JARID2: variants seen among roughly 807,000 people sequenced by gnomAD.
The protein encoded by JARID2 is protein Jumonji.
JARID2 carries 21 observed loss-of-function variants against 125.6 expected under a neutral mutation model. The ratio of observed to expected loss-of-function variants is 0.17; its 90% CI spans 0.12 to 0.24. The LOEUF (loss-of-function observed/expected upper bound fraction) is 0.24, where lower values mean the gene tolerates loss of function less well. JARID2 is among the 10% of genes least tolerant of loss of function. The probability of loss-of-function intolerance (pLI) is 1.00; values close to 1 mark genes in which losing one functional copy is unlikely to be tolerated. For synonymous variants in JARID2, 736 were observed against 661.6 expected (o/e 1.11, Z -1.73); for missense variants, 1,303 against 1,639.6 (o/e 0.79, Z 3.55).
intron 3 of JARID2, among the ~76,000 whole-genome samples, chr6:15,445,869 T>TTTTTTTG (rs1767652330): frequency 6.6e-6 from 1 of 152,170 alleles, no homozygotes; most frequent in South Asian, 2.1e-4. Context: ...CTAGTTGGTA[T>TTTTTTTG]TTTTTTGTTT....
At chr6:15,474,793 A>T (rs113602088) in intron 5 of JARID2, among the ~76,000 whole-genome samples, 1,696 of 152,316 alleles carry the variant, frequency 0.011, 18 homozygotes, top group African/African-American at 0.026. Context: ...TTTCCCTGAG[A>T]TAATAGTGAC....
At chr6:15,431,036 G>A (rs1405476822) in intron 3 of JARID2, among the ~76,000 whole-genome samples, 1 of 152,138 alleles carries the variant, frequency 6.6e-6, no homozygotes, top group Non-Finnish European at 1.5e-5. Flanking sequence ...TCTGCTTGTT[G>A]TTCCGGCAAA....
chr6:15,461,895 T>G (rs1214344192), intron 4 of JARID2, among the ~76,000 whole-genome samples: 2 of 149,840 alleles, frequency 1.3e-5, no homozygotes, highest in African/African-American at 4.9e-5. Flanking sequence ...TTTTTTTTTT[T>G]GGAAATACCT....
chr6:15,499,070 C>T (rs1770602116), intron 7 of JARID2, among the ~76,000 whole-genome samples: 1 of 152,130 alleles, frequency 6.6e-6, no homozygotes, highest in Admixed American at 6.5e-5. Flanking sequence ...CATACTGTGC[C>T]TCCCTGTGGT....
At chr6:15,490,461 C>T (rs560125273) in intron 6 of JARID2, among the ~76,000 whole-genome samples, 1 of 152,228 alleles carries the variant, frequency 6.6e-6, no homozygotes, top group South Asian at 2.1e-4. Flanking sequence ...ATAGTGTGTG[C>T]GATTTATGGA....
intron 3 of JARID2, among the ~76,000 whole-genome samples, chr6:15,436,862 A>G (rs1383091635): frequency 2.0e-5 from 3 of 151,966 alleles, no homozygotes; most frequent in Non-Finnish European, 4.4e-5. Context: ...CTATTCAGTT[A>G]TAATGAGTTC....
intron 3 of JARID2, among the ~76,000 whole-genome samples, chr6:15,431,363 A>G (rs1251489440): frequency 1.3e-5 from 2 of 152,156 alleles, no homozygotes; most frequent in African/African-American, 4.8e-5. Context: ...TGCGATCCGT[A>G]TGTCTCATAA....
chr6:15,281,157 G>A (rs1051171735), intron 1 of JARID2, among the ~76,000 whole-genome samples: 1 of 152,096 alleles, frequency 6.6e-6, no homozygotes, highest in African/African-American at 2.4e-5. Context: ...AGCCCAATAC[G>A]CATGTGAGAT....
intron 2 of JARID2, among the ~76,000 whole-genome samples, chr6:15,384,371 ATTTTT>A (rs370485500): frequency 7.4e-6 from 1 of 135,408 alleles, no homozygotes; most frequent in Non-Finnish European, 1.6e-5. Context: ...GCCCACTTTG[ATTTTT>A]TTTTTTTTTT....
chr6:15,358,470 C>G (rs531808874), intron 1 of JARID2, among the ~76,000 whole-genome samples: 5 of 152,204 alleles, frequency 3.3e-5, no homozygotes, highest in Admixed American at 6.5e-5. Context: ...TGAATTACCT[C>G]TGACTCAGAG....
At chr6:15,270,423 C>T (rs1760252398) in intron 1 of JARID2, among the ~76,000 whole-genome samples, 1 of 152,194 alleles carries the variant, frequency 6.6e-6, no homozygotes. Flanking sequence ...CGAGCCACTG[C>T]ACCTGGCCTG....
At chr6:15,436,439 C>G (rs997985792) in intron 3 of JARID2, among the ~76,000 whole-genome samples, 1 of 152,286 alleles carries the variant, frequency 6.6e-6, no homozygotes. Flanking sequence ...TTCCTCAGGA[C>G]GTCCAGCAGC....
Position 15,496,826 on chromosome 6 carries a change from A to C in JARID2, c.1601A>C (p.His534Pro). ...NRSTSQPESV[H>P]KPQDSGKAEK... is the part of the protein sequence containing the mutation. The stretch of plus-strand genomic sequence containing the variant: ...TCTACCTCGCAACCGGAGTCCGTGC[A>C]CAAGCCGCAGGACTCGGGCAAGGCC... Residue 534 changes from histidine (H) to proline (P), a missense_variant, in exon 7 of 18, where the codon CAC becomes CCC. Physicochemically the swap from His to Pro is moderately conservative, Grantham distance 77. Around this residue, in one of 11 missense-constraint regions of JARID2, gnomAD observed 651 missense variants for 581.6 expected, o/e 1.12. Transcript: ENST00000341776. 1.2e-6 allele frequency: 2 copies of C among 1,602,868 alleles called. No individual in the cohort carries two copies. The highest frequency in any genetic ancestry group is 8.5e-7 in the Non-Finnish European group (1 of 1,173,604).
Position 15,399,819 on chromosome 6 carries a change from A to G in JARID2, c.182-10405A>G, listed in dbSNP as rs182628961. Among the ~76,000 whole-genome samples the G allele has an allele frequency of 2.0e-5, 3 of 152,360 alleles. No homozygotes were observed. The East Asian group carries it at 5.8e-4, about 29-fold the overall frequency. ...ATTTCCTCTGGATGCATCTGAGGAA[A>G]ACTTCCAGTGCCATGTGGACTTGGC... On this transcript the variant is annotated intron_variant, in intron 2 of 17. Transcript: ENST00000341776.
intron 4 of JARID2, among the ~76,000 whole-genome samples, chr6:15,463,857 A>G (rs1768580645): frequency 6.6e-6 from 1 of 152,230 alleles, no homozygotes; most frequent in Non-Finnish European, 1.5e-5. Context: ...CCAGTGATAA[A>G]CACCCTGGGC....
At chr6:15,488,786 C>T (rs1307529820) in intron 6 of JARID2, among the ~76,000 whole-genome samples, 1 of 152,178 alleles carries the variant, frequency 6.6e-6, no homozygotes, top group Non-Finnish European at 1.5e-5. Flanking sequence ...ACCACATTTA[C>T]ATTTCCACAG....
intron 1 of JARID2, among the ~76,000 whole-genome samples, chr6:15,250,746 AT>A (rs1759413803): frequency 6.6e-6 from 1 of 152,182 alleles, no homozygotes; most frequent in Admixed American, 6.5e-5. Flanking sequence ...CTGTTTCCTC[AT>A]AGTGGGTTAA....
In JARID2 at chr6:15,512,308, A is replaced by G. The variant is rs1047634222; in HGVS notation, c.3053A>G (p.Lys1018Arg). The change falls in exon 14 of 18, where the codon AAA becomes AGA. Residue 1018 changes from lysine (K) to arginine (R), a missense_variant. Lys to Arg is a conservative substitution (Grantham distance 26). Coordinates refer to ENST00000341776, the MANE Select transcript of JARID2 (RefSeq NM_004973.4). ...TGCTTCCCGGGATCCTTTGTGTCCA[A>G]AGTGTGCTGTGGGTACAGCGTGTCT... ...VVCFPGSFVS[K>R]VCCGYSVSET... The G allele has an allele frequency of 3.1e-6, 5 of 1,613,994 alleles. No individual in the cohort carries two copies. The Admixed American group carries it at 5.0e-5, about 16-fold the overall frequency.
At chr6:15,265,941 G>T (rs1760067867) in intron 1 of JARID2, among the ~76,000 whole-genome samples, 1 of 152,140 alleles carries the variant, frequency 6.6e-6, no homozygotes, top group African/African-American at 2.4e-5. Flanking sequence ...TGAAAGTGGA[G>T]CTCATCAGGT....
Sources: gnomAD v4.1 joint callset for allele counts (sites outside exome capture counted in the v4.1 genomes callset) on GRCh38, gnomAD v4.1.1 for gene constraint, gnomAD v4.1.1 regional missense constraint, MANE v1.5 for transcripts, NCBI Gene and HGNC (gene_info 2026-07-23, HGNC 2026-07-21) for gene names.